The following SMG6 variants were observed in gnomAD, a reference collection of about 807,000 sequenced individuals.
SMG6 encodes the protein telomerase-binding protein EST1A.
A neutral mutation model predicts 142.2 loss-of-function variants in SMG6; 66 were observed. The ratio of observed to expected loss-of-function variants is 0.46; its 90% CI spans 0.38 to 0.57. The LOEUF is 0.57. SMG6 is among the 20% of genes least tolerant of loss of function. The pLI is 0.00. For missense variants in SMG6, 1,793 were observed against 1,832.0 expected (o/e 0.98, Z 0.39); for synonymous variants, 779 against 702.4 (o/e 1.11, Z -1.72).
At chr17:2,219,943 A>G (rs2073127528) in intron 10 of SMG6, among the ~76,000 whole-genome samples, 1 of 152,192 alleles carries the variant, frequency 6.6e-6, no homozygotes, top group Non-Finnish European at 1.5e-5. Context: ...TTTATTTGAG[A>G]CAGGGTCTGG....
At position 2,125,272 on chromosome 17, in the gene SMG6, C is replaced by T. The variant is rs1156776272; in HGVS notation, c.3358-39371G>A. ...AGATAACCTGGAGGGACCGAAACCC[C>T]CTATTTATTCACCCTTCTAACCATG... On this transcript the variant is annotated intron_variant, in intron 13 of 18. Transcript: ENST00000263073. 3.9e-5 allele frequency among the ~76,000 whole-genome samples: 6 copies of T among 152,212 alleles called. No individual in the cohort carries two copies. In the East Asian group the frequency reaches 9.6e-4, roughly 24 times the overall value.
chr17:2,082,002 G>A (rs2151429088), intron 14 of SMG6, 46 bp from the exon 15 acceptor site: 3 of 1,608,148 alleles, frequency 1.9e-6, no homozygotes, highest in Non-Finnish European at 2.6e-6. Flanking sequence ...ACAGTTAGCT[G>A]GGCCCATGGC....
intron 4 of SMG6, 101 bp from the exon 5 acceptor site, chr17:2,293,078 G>T: frequency 1.2e-6 from 1 of 813,300 alleles, no homozygotes; most frequent in Non-Finnish European, 2.1e-6. Flanking sequence ...CACTCGTAAG[G>T]CACTAGCGGT....
At chr17:2,273,525 C>T (rs1385375423) in intron 8 of SMG6, among the ~76,000 whole-genome samples, 3 of 152,098 alleles carry the variant, frequency 2.0e-5, no homozygotes, top group Admixed American at 6.5e-5. Flanking sequence ...CCCAGCTACA[C>T]GGGAGGCTGA....
intron 13 of SMG6, among the ~76,000 whole-genome samples, chr17:2,124,422 A>C (rs1330771976): frequency 6.6e-6 from 1 of 152,232 alleles, no homozygotes; most frequent in Non-Finnish European, 1.5e-5. Flanking sequence ...GATGTAGAGT[A>C]GTCATGGGCA....
At chr17:2,133,575 C>T (rs1441058741) in intron 13 of SMG6, among the ~76,000 whole-genome samples, 1 of 152,136 alleles carries the variant, frequency 6.6e-6, no homozygotes, top group Non-Finnish European at 1.5e-5. Context: ...CTCAATATGT[C>T]ACCCAGGGAT....
At chr17:2,142,318 T>C (rs1431386725) in intron 13 of SMG6, among the ~76,000 whole-genome samples, 1 of 152,216 alleles carries the variant, frequency 6.6e-6, no homozygotes, top group Non-Finnish European at 1.5e-5. Context: ...ATTTATCTGA[T>C]AAAGGACTTG....
At chr17:2,225,307 T>G (rs1351937621) in intron 10 of SMG6, among the ~76,000 whole-genome samples, 1 of 146,044 alleles carries the variant, frequency 6.8e-6, no homozygotes, top group Non-Finnish European at 1.5e-5. Context: ...GTGAACTCCA[T>G]CTTTACTAAA....
At chr17:2,205,563 C>A (rs1231420392) in intron 10 of SMG6, among the ~76,000 whole-genome samples, 1 of 152,006 alleles carries the variant, frequency 6.6e-6, no homozygotes, top group Non-Finnish European at 1.5e-5. Context: ...AACAGCCTAC[C>A]ATAAACGGAC....
At chr17:2,186,506 G>A (rs1476844889) in intron 12 of SMG6, among the ~76,000 whole-genome samples, 157 bp downstream of exon 12, 1 of 152,154 alleles carries the variant, frequency 6.6e-6, no homozygotes, top group Non-Finnish European at 1.5e-5. Flanking sequence ...AAACATCAGA[G>A]GATAGGGAAG....
Position 2,297,431 on chromosome 17 carries a change from C to A in SMG6, c.2041-78G>T, listed in dbSNP as rs192475013. The A allele has an allele frequency of 1.3e-3, 1,297 of 1,033,266 alleles. 11 individuals are homozygous for A. The highest frequency in any genetic ancestry group is 2.0e-3 in the South Asian group (133 of 65,346). The allele number at this position is 1,033,266 out of a possible 1,614,324, so 64.0% of individuals were successfully genotyped here. On this transcript the variant is annotated intron_variant, in intron 3 of 18. Coordinates refer to ENST00000263073, the MANE Select transcript of SMG6 (RefSeq NM_017575.5). ...TCCACCAAAAACCGGGGCAGACAAC[C>A]CTTTCACAGTTCTGCTGATGTTCAG...
chr17:2,107,976 G>T (rs1567603500), intron 13 of SMG6, among the ~76,000 whole-genome samples: 1 of 152,180 alleles, frequency 6.6e-6, no homozygotes, highest in Non-Finnish European at 1.5e-5. Context: ...TTGGAATAGT[G>T]TAACTAAGCA....
intron 10 of SMG6, among the ~76,000 whole-genome samples, chr17:2,198,422 T>C (rs1171726934): frequency 1.3e-5 from 2 of 152,102 alleles, no homozygotes; most frequent in Non-Finnish European, 2.9e-5. Flanking sequence ...TTGATTATAG[T>C]AATAGTTACA....
At chr17:2,104,780 G>C (rs1021881269) in intron 13 of SMG6, among the ~76,000 whole-genome samples, 1 of 152,156 alleles carries the variant, frequency 6.6e-6, no homozygotes, top group Non-Finnish European at 1.5e-5. Context: ...AAAAGCAAGT[G>C]ATGAAGTGAT....
chr17:2,075,435 T>C (rs931599187), intron 15 of SMG6, among the ~76,000 whole-genome samples: 10 of 152,126 alleles, frequency 6.6e-5, no homozygotes, highest in Non-Finnish European at 8.8e-5. Context: ...GAAGAGCCTG[T>C]TATGTTTCAG....
At chr17:2,136,027 TGTGTG>T (rs1215068375) in intron 13 of SMG6, among the ~76,000 whole-genome samples, 1 of 150,400 alleles carries the variant, frequency 6.6e-6, no homozygotes, top group African/African-American at 2.5e-5. Flanking sequence ...TGTGTGTGTG[TGTGTG>T]TGTGTCTGTG....
intron 12 of SMG6, among the ~76,000 whole-genome samples, chr17:2,175,451 T>G (rs906559824): frequency 6.6e-6 from 1 of 152,000 alleles, no homozygotes; most frequent in Non-Finnish European, 1.5e-5. Context: ...CCCTACCATC[T>G]TGGATCCAAG....
intron 10 of SMG6, chr17:2,229,392 T>G (rs2073407526): frequency 6.6e-6 from 1 of 152,228 alleles, no homozygotes; most frequent in Non-Finnish European, 1.5e-5. Context: ...AGAACAACAG[T>G]GCTCAGATTT....
rs139136348 is a variant in SMG6, at chr17:2,282,736, G to T, written c.2572C>A (p.His858Asn). 1.6e-4 allele frequency: 263 copies of T among 1,614,106 alleles called. No individual in the cohort carries two copies. The highest frequency in any genetic ancestry group is 9.7e-5 in the Non-Finnish European group (114 of 1,180,046). The change falls in exon 8 of 19, where the codon CAT becomes AAT. Residue 858 changes from histidine to asparagine, a missense_variant. Physicochemically the swap from His to Asn is moderately conservative, Grantham distance 68. This residue lies in a region of SMG6 where 1,597 missense variants were observed against 1,584.6 expected (regional missense o/e 1.01). Coordinates refer to ENST00000263073, the MANE Select transcript of SMG6 (RefSeq NM_017575.5). ...DDTTRLEIWI[H>N]PSHPRSSQGT... Reference sequence around the variant, plus strand: ...TGGGAAGACCGTGGATGGGATGGATGAATCCAGATCTCCAGGCGAGTGGTG... The same window carrying T: ...TGGGAAGACCGTGGATGGGATGGATTAATCCAGATCTCCAGGCGAGTGGTG...
Sources: gnomAD v4.1 joint callset for allele counts (sites outside exome capture counted in the v4.1 genomes callset) on GRCh38, gnomAD v4.1.1 for gene constraint, gnomAD v4.1.1 regional missense constraint, MANE v1.5 for transcripts, NCBI Gene and HGNC (gene_info 2026-07-23, HGNC 2026-07-21) for gene names.